Variants in PIK3R5 observed in about 807,000 individuals in gnomAD.
PIK3R5 encodes the protein phosphoinositide-3-kinase regulatory subunit 5, also known as phosphoinositide 3-kinase regulatory subunit 5.
In PIK3R5, 32 loss-of-function variants were observed where a neutral mutation model predicts 94.9. That is an observed-to-expected ratio of 0.34 (90% CI 0.25 to 0.45). The LOEUF (loss-of-function observed/expected upper bound fraction) is 0.45. Ranked by LOEUF, PIK3R5 falls within the 20% of genes least tolerant of loss-of-function variation. PIK3R5 has a pLI of 1.00. For synonymous variants in PIK3R5, 443 were observed against 479.4 expected (o/e 0.92, Z 0.99); for missense variants, 853 against 1,144.6 (o/e 0.75, Z 3.68).
chr17:8,921,616 A>G (rs1334433197), intron 1 of PIK3R5, among the ~76,000 whole-genome samples: 1 of 152,222 alleles, frequency 6.6e-6, no homozygotes, highest in Non-Finnish European at 1.5e-5. Flanking sequence ...GGGAAACAAG[A>G]TTCCACTTCT....
intron 1 of PIK3R5, chr17:8,916,750 C>T (rs2090638721): frequency 6.6e-6 from 1 of 152,358 alleles, no homozygotes; most frequent in East Asian, 1.9e-4. Context: ...CATCTTCCCT[C>T]TGGTGCAGGG....
Position 8,893,086 on chromosome 17 carries a change from T to TGTGTG in PIK3R5, c.482+499_482+500insCACAC, listed in dbSNP as rs1567639751. ...TGTGTGTGTGTGTGTGTGTGTGTGT[T>TGTGTG]TGTGTATCAGGCTGTCATATAAAAT... On this transcript the variant is annotated intron_variant, in intron 6 of 18. Coordinates refer to ENST00000447110, the MANE Select transcript of PIK3R5 (RefSeq NM_001142633.3). This position sits in a 1 kb window ranked among gnomAD's most constrained non-coding sequence, Gnocchi z 5.1. Among the ~76,000 whole-genome samples, 181 of 78,966 alleles carry TGTGTG rather than the reference T, an allele frequency of 2.3e-3. No individual in the cohort carries two copies. Among genetic ancestry groups the TGTGTG allele is most frequent in the African/African-American group, 0.014 (175 of 12,476 alleles). The allele number at this position is 78,966 out of a possible 152,430, so 51.8% of individuals were successfully genotyped here.
At chr17:8,907,628 C>CA (rs1231640150) in intron 3 of PIK3R5, among the ~76,000 whole-genome samples, 7,761 of 94,664 alleles carry the variant, frequency 0.082, 579 homozygotes, top group African/African-American at 0.23. Flanking sequence ...CTTTTTTTAA[C>CA]AAAAAAAAAA....
chr17:8,943,057 C>T (rs1328112464), intron 1 of PIK3R5, among the ~76,000 whole-genome samples: 1 of 151,488 alleles, frequency 6.6e-6, no homozygotes, highest in African/African-American at 2.4e-5. Context: ...TAAACATCAG[C>T]TTGAACCTTT....
rs1182267555 is a variant in PIK3R5, at chr17:8,887,933, A to G, written c.1616+238T>C. ...CAAGAATCGCTTGAACTGGAGAGCC[A>G]GAGGTTGCAGTGAGCCGAGATCATG... On this transcript the variant is annotated intron_variant, in intron 10 of 18. Coordinates refer to ENST00000447110, the MANE Select transcript of PIK3R5 (RefSeq NM_001142633.3). Among the ~76,000 whole-genome samples, 4 of 150,660 alleles carry G rather than the reference A, an allele frequency of 2.7e-5. No homozygotes were observed. The East Asian group carries it at 7.8e-4, about 29-fold the overall frequency.
chr17:8,887,862 G>A (rs2089908605), intron 10 of PIK3R5, among the ~76,000 whole-genome samples, 179 bp from the exon 11 acceptor site: 1 of 150,856 alleles, frequency 6.6e-6, no homozygotes, highest in Non-Finnish European at 1.5e-5. Context: ...TTAGTCAGGT[G>A]TGGTGGTGTG....
At chr17:8,938,214 G>C (rs1380606636) in intron 1 of PIK3R5, among the ~76,000 whole-genome samples, 1 of 152,108 alleles carries the variant, frequency 6.6e-6, no homozygotes, top group African/African-American at 2.4e-5. Context: ...ATAGATATAG[G>C]CCTATTCAGA....
rs759274148 is a variant in PIK3R5 at position 8,904,772 on chromosome 17, C to T, written c.412+5G>A. On this transcript the variant is annotated splice_donor_5th_base_variant and intron_variant, in intron 5 of 18. Coordinates refer to ENST00000447110, the MANE Select transcript of PIK3R5 (RefSeq NM_001142633.3). This position sits in a 1 kb window ranked among gnomAD's most constrained non-coding sequence, Gnocchi z 5.1. ...GTCCCCCGTGCCAGCTGCCTCAGTG[C>T]TTACCTGGGGCCTTGAGTTCAGCAT... 4 of 1,614,054 alleles carry T rather than the reference C, an allele frequency of 2.5e-6. No individual in the cohort carries two copies. The East Asian group carries it at 8.9e-5, about 36-fold the overall frequency.
At chr17:8,923,519 C>T (rs1347164692) in intron 1 of PIK3R5, among the ~76,000 whole-genome samples, 1 of 152,102 alleles carries the variant, frequency 6.6e-6, no homozygotes, top group African/African-American at 2.4e-5. Flanking sequence ...TTTAGCTTCC[C>T]CATGCAAGTA....
intron 1 of PIK3R5, among the ~76,000 whole-genome samples, chr17:8,931,254 A>C (rs1475671123): frequency 6.6e-6 from 1 of 152,204 alleles, no homozygotes; most frequent in Non-Finnish European, 1.5e-5. Flanking sequence ...CCCACAGATC[A>C]TACTCAAATA....
chr17:8,895,889 G>A (rs377479157), intron 5 of PIK3R5, among the ~76,000 whole-genome samples: 14 of 152,222 alleles, frequency 9.2e-5, no homozygotes, highest in African/African-American at 2.9e-4. Context: ...CAGTTCCCAA[G>A]CAGAACCTAT....
intron 3 of PIK3R5, among the ~76,000 whole-genome samples, chr17:8,907,432 G>T (rs188035041): frequency 3.7e-4 from 57 of 152,094 alleles, no homozygotes; most frequent in African/African-American, 1.3e-3. Flanking sequence ...CCATAATTTG[G>T]ATTATTAATC....
Position 8,882,067 on chromosome 17 carries a change from G to T in PIK3R5, c.2206-186C>A. 1 of 596,986 alleles carries T rather than the reference G, an allele frequency of 1.7e-6. No individual in the cohort carries two copies. The highest frequency in any genetic ancestry group is 3.0e-6 in the Non-Finnish European group (1 of 334,024). The allele number at this position is 596,986 out of a possible 1,614,324, so 37.0% of individuals were successfully genotyped here. A position where few individuals can be genotyped will look rare whatever the true frequency, so the allele number is the denominator to read the frequency against. On this transcript the variant is annotated intron_variant, in intron 15 of 18. Transcript: ENST00000447110. The surrounding 1 kb of genome is among the most constrained non-coding windows in gnomAD (Gnocchi z 4.1). ...TGGATGACTCCAGGGAAGAGCTCAC[G>T]TCACTGGCTTGGTCTAGGGGTCAGC...
intron 1 of PIK3R5, among the ~76,000 whole-genome samples, chr17:8,962,175 G>A (rs1597443381): frequency 6.6e-6 from 1 of 152,154 alleles, no homozygotes; most frequent in East Asian, 1.9e-4. Context: ...TATGTGAAAT[G>A]GGGGCAATAA....
chr17:8,932,608 C>T (rs909811273), intron 1 of PIK3R5, among the ~76,000 whole-genome samples: 1 of 152,098 alleles, frequency 6.6e-6, no homozygotes, highest in East Asian at 1.9e-4. Context: ...AAGAAAAGTT[C>T]ATTGGATGGA....
chr17:8,906,120 T>G lies in PIK3R5; in HGVS notation c.205-383A>C, dbSNP rs1338729023. Among the ~76,000 whole-genome samples, 7 of 152,302 alleles carry G rather than the reference T, an allele frequency of 4.6e-5. No homozygotes were observed. In the East Asian group the frequency reaches 1.4e-3, roughly 29 times the overall value. ...TGTCATCTAGGTTTTAAGCCCCACA[T>G]GCATTAGGTATTTGTCCTAATGCTC... On this transcript the variant is annotated intron_variant, in intron 3 of 18. Transcript: ENST00000447110.
At chr17:8,943,317 T>C (rs930435140) in intron 1 of PIK3R5, among the ~76,000 whole-genome samples, 99 of 151,818 alleles carry the variant, frequency 6.5e-4, no homozygotes, top group Non-Finnish European at 1.6e-4. Flanking sequence ...CTCAAACTCC[T>C]GGCCTCAAGC....
At position 8,890,164 on chromosome 17, in the gene PIK3R5, C is replaced by T. The variant is rs202033081; in HGVS notation, c.658-38G>A. The T allele has an allele frequency of 2.2e-4, 351 of 1,604,506 alleles. No homozygotes were observed. The East Asian group carries it at 6.9e-3, about 32-fold the overall frequency. ...GAGGAGATGGGCTTTGCTCCTGGAC[C>T]GTGAGCTAGCTGTCCACCTGTTCCA... is the stretch of plus-strand genomic sequence containing the variant. On this transcript the variant is annotated intron_variant, in intron 7 of 18. Transcript: ENST00000447110. The surrounding 1 kb of genome is among the most constrained non-coding windows in gnomAD (Gnocchi z 6.1).
At chr17:8,912,224 G>T (rs554693539) in intron 1 of PIK3R5, among the ~76,000 whole-genome samples, 1 of 152,136 alleles carries the variant, frequency 6.6e-6, no homozygotes, top group African/African-American at 2.4e-5. Flanking sequence ...CCCGTATGGG[G>T]AACTGAGAGC....
Sources: allele counts gnomAD v4.1 joint callset (sites outside exome capture counted in the v4.1 genomes callset), GRCh38; gene constraint gnomAD v4.1.1; non-coding constraint Gnocchi (gnomAD v3.1); transcripts MANE v1.5; gene names NCBI Gene and HGNC (gene_info 2026-07-23, HGNC 2026-07-21).